Variants in CYP39A1 observed in about 807,000 individuals in gnomAD.
CYP39A1 encodes 24-hydroxycholesterol 7-alpha-hydroxylase.
Under a neutral mutation model 58.1 loss-of-function variants are expected in CYP39A1, and 49 were observed. That is an observed-to-expected ratio of 0.84 (90% CI 0.67 to 1.07). The LOEUF is 1.07. Ranked by LOEUF, CYP39A1 falls within the 50% of genes least tolerant of loss-of-function variation. The pLI is 0.00. For missense variants in CYP39A1, 531 were observed against 539.4 expected (o/e 0.98, Z 0.16); for synonymous variants, 209 against 187.6 (o/e 1.11, Z -0.93).
intron 10 of CYP39A1, among the ~76,000 whole-genome samples, chr6:46,561,539 A>G (rs1378258255): frequency 5.9e-5 from 9 of 152,014 alleles, no homozygotes; most frequent in Non-Finnish European, 1.3e-4. Context: ...CTCCATGCAG[A>G]AGGTGAGGTG....
At chr6:46,649,740 A>C (rs1762549267) in intron 1 of CYP39A1, among the ~76,000 whole-genome samples, 1 of 152,190 alleles carries the variant, frequency 6.6e-6, no homozygotes, top group Non-Finnish European at 1.5e-5. Flanking sequence ...AGGAGTGAGA[A>C]CTGGGTGGAA....
chr6:46,618,973 C>A (rs568777192), intron 7 of CYP39A1, among the ~76,000 whole-genome samples: 1 of 152,130 alleles, frequency 6.6e-6, no homozygotes, highest in South Asian at 2.1e-4. Flanking sequence ...CATCTCAGGG[C>A]CAGATATCAG....
intron 7 of CYP39A1, among the ~76,000 whole-genome samples, chr6:46,608,966 A>G (rs962772565): frequency 2.0e-5 from 3 of 152,044 alleles, no homozygotes; most frequent in Admixed American, 1.3e-4. Context: ...GGCTGGTTAC[A>G]GATTTGTGGG....
chr6:46,596,574 T>C (rs558604218), intron 7 of CYP39A1, among the ~76,000 whole-genome samples: 30 of 151,948 alleles, frequency 2.0e-4, no homozygotes, highest in East Asian at 1.4e-3. Context: ...CTTTTTTTTT[T>C]CCCCCTAAAT....
chr6:46,589,752 T>A (rs1772711279), intron 8 of CYP39A1, among the ~76,000 whole-genome samples: 1 of 152,066 alleles, frequency 6.6e-6, no homozygotes, highest in Non-Finnish European at 1.5e-5. Context: ...GACTCTGGAA[T>A]CAGCCACAGA....
intron 10 of CYP39A1, among the ~76,000 whole-genome samples, chr6:46,561,279 T>A (rs1298111059): frequency 6.6e-6 from 1 of 152,132 alleles, no homozygotes; most frequent in Non-Finnish European, 1.5e-5. Context: ...CCTTCTCTAA[T>A]ATAAGCTTGC....
At chr6:46,558,792 T>C (rs981924096) in intron 10 of CYP39A1, among the ~76,000 whole-genome samples, 3 of 152,084 alleles carry the variant, frequency 2.0e-5, no homozygotes, top group African/African-American at 7.3e-5. Flanking sequence ...GGTCATGAGA[T>C]TGAGACCAGC....
At chr6:46,624,915 C>G (rs922675121) in intron 7 of CYP39A1, among the ~76,000 whole-genome samples, 5 of 152,096 alleles carry the variant, frequency 3.3e-5, no homozygotes, top group Non-Finnish European at 5.9e-5. Context: ...TTTCTAACAA[C>G]CATAAGGGTT....
chr6:46,627,609 A>G (rs1775400150), intron 6 of CYP39A1, among the ~76,000 whole-genome samples: 1 of 151,954 alleles, frequency 6.6e-6, no homozygotes, highest in Admixed American at 6.6e-5. Flanking sequence ...TAGTAGAGAC[A>G]GGGTTTCACC....
At chr6:46,641,474 G>A (rs1490381149) in intron 2 of CYP39A1, among the ~76,000 whole-genome samples, 2 of 152,164 alleles carry the variant, frequency 1.3e-5, no homozygotes, top group Non-Finnish European at 2.9e-5. Context: ...GGGAAACAGA[G>A]AGAAAGAAGC....
intron 7 of CYP39A1, among the ~76,000 whole-genome samples, chr6:46,606,728 A>T (rs1773869292): frequency 6.6e-6 from 1 of 152,158 alleles, no homozygotes; most frequent in Non-Finnish European, 1.5e-5. Flanking sequence ...ATAGCAAAAA[A>T]AGTTTATAAA....
At chr6:46,630,011 G>A (rs998040274) in intron 6 of CYP39A1, among the ~76,000 whole-genome samples, 1 of 151,940 alleles carries the variant, frequency 6.6e-6, no homozygotes, top group African/African-American at 2.4e-5. Context: ...CAGGGGAATC[G>A]CTTGAACCCG....
chr6:46,640,774 A>G (rs1348602832), intron 2 of CYP39A1, among the ~76,000 whole-genome samples: 1 of 99,544 alleles, frequency 1.0e-5, no homozygotes, highest in African/African-American at 3.9e-5. Context: ...CCTGCCGCCC[A>G]CCCCCCTCCC....
chr6:46,571,764 A>G (rs972999615), intron 10 of CYP39A1, among the ~76,000 whole-genome samples: 1 of 151,882 alleles, frequency 6.6e-6, no homozygotes, highest in East Asian at 1.9e-4. Flanking sequence ...CACTATTGCC[A>G]TTTTGTAAAA....
chr6:46,595,001 A>G (rs1263949628), intron 8 of CYP39A1, among the ~76,000 whole-genome samples: 3 of 152,044 alleles, frequency 2.0e-5, no homozygotes, highest in Non-Finnish European at 4.4e-5. Flanking sequence ...AAAAATTGGC[A>G]AGGAATCTGA....
At chr6:46,641,929 C>T (rs1223818692) in intron 2 of CYP39A1, among the ~76,000 whole-genome samples, 5 of 152,166 alleles carry the variant, frequency 3.3e-5, no homozygotes, top group African/African-American at 1.2e-4. Flanking sequence ...ATGAGGTAAC[C>T]TTATCACTTT....
chr6:46,651,589 TG>T (rs1485111622), intron 1 of CYP39A1, among the ~76,000 whole-genome samples: 1 of 152,220 alleles, frequency 6.6e-6, no homozygotes, highest in African/African-American at 2.4e-5. Flanking sequence ...ATTTTCTATA[TG>T]TTTTTTACTA....
chr6:46,624,181 C>G (rs1775153915), intron 7 of CYP39A1, among the ~76,000 whole-genome samples: 1 of 152,192 alleles, frequency 6.6e-6, no homozygotes, highest in African/African-American at 2.4e-5. Flanking sequence ...CCATCATCCC[C>G]TCTCTACTCT....
chr6:46,602,545 G>T (rs949087154), intron 7 of CYP39A1, among the ~76,000 whole-genome samples: 1 of 151,956 alleles, frequency 6.6e-6, no homozygotes, highest in Non-Finnish European at 1.5e-5. Context: ...GGGCGTGGTA[G>T]CTCATGCCTG....
Sources: allele counts gnomAD v4.1 joint callset (sites outside exome capture counted in the v4.1 genomes callset), GRCh38; gene constraint gnomAD v4.1.1; transcripts MANE v1.5; gene names NCBI Gene and HGNC (gene_info 2026-07-23, HGNC 2026-07-21).